Variants in POLR1B observed in about 807,000 individuals in gnomAD.
POLR1B encodes the protein RNA polymerase I subunit B, also known as DNA-directed RNA polymerase I subunit RPA2.
Under a neutral mutation model 105.8 loss-of-function variants are expected in POLR1B, and 30 were observed. The ratio of observed to expected loss-of-function variants is 0.28; its 90% CI spans 0.21 to 0.38. The LOEUF (loss-of-function observed/expected upper bound fraction) is 0.38, where lower values mean the gene tolerates loss of function less well. Ranked by LOEUF, POLR1B falls within the 10% of genes least tolerant of loss-of-function variation. POLR1B has a pLI of 1.00. For synonymous variants in POLR1B, 485 were observed against 505.1 expected (o/e 0.96, Z 0.53); for missense variants, 976 against 1,435.8 (o/e 0.68, Z 5.17).
intron 6 of POLR1B, 82 bp from the exon 7 acceptor site, chr2:112,552,563 G>GT: frequency 7.4e-7 from 1 of 1,343,810 alleles, no homozygotes; most frequent in East Asian, 2.5e-5. Context: ...GTAAGCATGA[G>GT]TTGGGGATCT....
At chr2:112,562,459 T>C (rs192651648) in intron 9 of POLR1B, among the ~76,000 whole-genome samples, 103 of 152,262 alleles carry the variant, frequency 6.8e-4, no homozygotes, top group Non-Finnish European at 7.6e-4. Flanking sequence ...CCGGAGATAT[T>C]GCAGGTTTGG....
upstream of POLR1B, chr2:112,542,288 C>T (rs1682789500): frequency 6.5e-7 from 1 of 1,530,106 alleles, no homozygotes; most frequent in Admixed American, 2.0e-5. Flanking sequence ...TGGACACGGC[C>T]TTAATCGGCC....
In POLR1B at chr2:112,579,325, G is replaced by C. The variant is rs1291499014; in HGVS notation, c.*3596G>C. Among the ~76,000 whole-genome samples, 2 of 150,502 alleles carry C rather than the reference G, an allele frequency of 1.3e-5. No individual in the cohort carries two copies. Among genetic ancestry groups the C allele is most frequent in the African/African-American group, 4.9e-5 (2 of 40,822 alleles). ...TCATTTCCCTGGGACAAGTGTTCAA[G>C]ACTGGGATTGCTGGGTCATATGGTA... On this transcript the variant is annotated 3_prime_UTR_variant, in exon 15 of 15. Coordinates refer to ENST00000263331, the MANE Select transcript of POLR1B (RefSeq NM_019014.6).
chr2:112,560,842 C>T (rs746589852), intron 9 of POLR1B, among the ~76,000 whole-genome samples: 7 of 152,028 alleles, frequency 4.6e-5, no homozygotes, highest in Admixed American at 6.6e-5. Context: ...AGATGACTTG[C>T]GGTCAGGAGT....
At chr2:112,570,776 T>A (rs1684546845) in intron 12 of POLR1B, among the ~76,000 whole-genome samples, 1 of 64,990 alleles carries the variant, frequency 1.5e-5, no homozygotes, top group Admixed American at 2.8e-4. Flanking sequence ...TGTTTCTTTT[T>A]TTTTTCTTTT....
At chr2:112,552,890 G>T in intron 7 of POLR1B, 74 bp downstream of exon 7, 1 of 1,294,370 alleles carries the variant, frequency 7.7e-7, no homozygotes, top group Non-Finnish European at 1.0e-6. Context: ...CAGCAGCACT[G>T]TTTTCTGCAT....
chr2:112,556,142 C>T (rs936710183), intron 7 of POLR1B, among the ~76,000 whole-genome samples: 70 of 152,310 alleles, frequency 4.6e-4, no homozygotes, highest in Middle Eastern at 3.4e-3. Flanking sequence ...ACATTTATGA[C>T]ACAGGAAGAT....
Position 112,557,916 on chromosome 2 carries a change from C to T in POLR1B, c.1165C>T (p.Leu389=), listed in dbSNP as rs772131052. The change falls in exon 8 of 15, where the codon CTG becomes TTG. Residue 389 remains leucine (L), a synonymous_variant. Transcript: ENST00000263331. ...TTTTTTTTCCTTATTTCAGGAAAAACTGGAAGGTTGGTTAGTGTCTATTAA... is the reference window on the plus strand; with the variant it reads ...TTTTTTTTCCTTATTTCAGGAAAAATTGGAAGGTTGGTTAGTGTCTATTAA... ...QLFLMFLKEK[L]EGWLVSIKIA... 6 of 1,313,694 alleles carry T rather than the reference C, an allele frequency of 4.6e-6. No individual in the cohort carries two copies. Among genetic ancestry groups the T allele is most frequent in the Middle Eastern group, 2.0e-4 (1 of 4,966 alleles). 81.4% of individuals were successfully genotyped at this position (1,313,694 alleles called of 1,614,324 possible).
At chr2:112,543,899 C>T (rs954449969) in intron 1 of POLR1B, among the ~76,000 whole-genome samples, 15 of 151,920 alleles carry the variant, frequency 9.9e-5, no homozygotes. Context: ...GCTTGGATAA[C>T]ATAGTGAAAC....
chr2:112,550,940 G>A lies in POLR1B; in HGVS notation c.700G>A (p.Val234Ile). ...CCTCCACTACTTGGAAAATGGCACT[G>A]TTATGTTGAACTTTATTTACCGAAA... ...MNLHYLENGT[V>I]MLNFIYRKEL... The change falls in exon 5 of 15, where the codon GTT becomes ATT. Residue 234 changes from valine to isoleucine, a missense_variant. By Grantham distance (29) the Val-to-Ile change is conservative (BLOSUM62 3). This residue lies in a region of POLR1B where 452 missense variants were observed against 616.5 expected (regional missense o/e 0.73). Transcript: ENST00000263331. The A allele has an allele frequency of 6.2e-7, 1 of 1,613,574 alleles. No individual in the cohort carries two copies. The highest frequency in any genetic ancestry group is 8.5e-7 in the Non-Finnish European group (1 of 1,179,482).
intron 10 of POLR1B, among the ~76,000 whole-genome samples, chr2:112,566,567 T>G (rs1000197293): frequency 6.6e-6 from 1 of 152,212 alleles, no homozygotes. Context: ...TTGTTTAATT[T>G]TGTGAATATT....
intron 1 of POLR1B, among the ~76,000 whole-genome samples, chr2:112,542,985 T>C (rs577694701): frequency 1.3e-5 from 2 of 152,320 alleles, no homozygotes; most frequent in East Asian, 3.9e-4. Context: ...CACACGGCTT[T>C]ATATCACTTG....
intron 14 of POLR1B, among the ~76,000 whole-genome samples, chr2:112,574,391 A>G (rs1684754906): frequency 6.6e-6 from 1 of 152,150 alleles, no homozygotes; most frequent in African/African-American, 2.4e-5. Context: ...CTCTATTCAT[A>G]CCATCTCTGT....
At chr2:112,545,800 C>T (rs763724559) in intron 1 of POLR1B, 10 of 364,304 alleles carry the variant, frequency 2.7e-5, no homozygotes, top group African/African-American at 1.3e-4. Context: ...CCACTATGCC[C>T]GGCTAATTTT....
At chr2:112,561,013 C>G (rs936269624) in intron 9 of POLR1B, among the ~76,000 whole-genome samples, 1 of 151,534 alleles carries the variant, frequency 6.6e-6, no homozygotes, top group African/African-American at 2.4e-5. Flanking sequence ...TGCAGGGAAC[C>G]AAGATTGCAC....
intron 10 of POLR1B, among the ~76,000 whole-genome samples, 193 bp from the exon 11 acceptor site, chr2:112,567,774 G>T (rs1365147173): frequency 6.6e-6 from 1 of 152,162 alleles, no homozygotes; most frequent in South Asian, 2.1e-4. Context: ...GTATCGACAC[G>T]TGCATTCATG....
chr2:112,556,410 T>C (rs1683665796), intron 7 of POLR1B, among the ~76,000 whole-genome samples: 1 of 152,246 alleles, frequency 6.6e-6, no homozygotes, highest in African/African-American at 2.4e-5. Flanking sequence ...TTATAAAATA[T>C]ATTCCTTCTT....
rs1684799647 is a variant in POLR1B, at chr2:112,575,037, G to A, written c.2716G>A (p.Glu906Lys). The stretch of plus-strand genomic sequence containing the variant: ...GCCGGCTGAGGACATGCCTTTTACT[G>A]AGAGTGGGATGGTCCCAGACATTCT... ...LWPAEDMPFT[E>K]SGMVPDILFN... The change falls in exon 15 of 15, where the codon GAG (glutamate) becomes AAG (lysine). Residue 906 changes from glutamate to lysine, a missense_variant. By Grantham distance (56) the Glu-to-Lys change is moderately conservative. This residue lies in a region of POLR1B where 35 missense variants were observed against 102.5 expected (regional missense o/e 0.34). Coordinates refer to ENST00000263331, the MANE Select transcript of POLR1B (RefSeq NM_019014.6). This position sits in a 1 kb window ranked among gnomAD's most constrained non-coding sequence, Gnocchi z 5.3. 1.9e-6 allele frequency: 3 copies of A among 1,614,180 alleles called. No homozygotes were observed. Among genetic ancestry groups the A allele is most frequent in the South Asian group, 1.1e-5 (1 of 91,076 alleles).
At chr2:112,563,777 C>G (rs996685223) in intron 9 of POLR1B, among the ~76,000 whole-genome samples, 2 of 152,064 alleles carry the variant, frequency 1.3e-5, no homozygotes, top group African/African-American at 2.4e-5. Flanking sequence ...TGGCACGCAC[C>G]TGTCAGCTAC....
Sources: allele counts gnomAD v4.1 joint callset (sites outside exome capture counted in the v4.1 genomes callset), GRCh38; gene constraint gnomAD v4.1.1; regional missense constraint gnomAD v4.1.1; non-coding constraint Gnocchi (gnomAD v3.1); transcripts MANE v1.5; gene names NCBI Gene and HGNC (gene_info 2026-07-23, HGNC 2026-07-21).